Variants in CAMK4 observed in about 807,000 individuals in gnomAD.
The protein encoded by CAMK4 is calcium/calmodulin-dependent protein kinase type IV.
Under a neutral mutation model 44.9 loss-of-function variants are expected in CAMK4, and 22 were observed. The observed-to-expected ratio is 0.49, with a 90% CI of 0.35 to 0.70. CAMK4 has a LOEUF of 0.70. Among genes scored for constraint, CAMK4 ranks in the 30% least tolerant of loss-of-function variants. The pLI is 0.01. For missense variants in CAMK4, 498 were observed against 586.8 expected, an observed-to-expected ratio of 0.85 and a Z score of 1.56; for synonymous variants, 218 against 215.4, an observed-to-expected ratio of 1.01 and a Z score of -0.11.
At chr5:111,256,765 CTTA>C (rs1749762344) in intron 1 of CAMK4, among the ~76,000 whole-genome samples, 1 of 152,028 alleles carries the variant, frequency 6.6e-6, no homozygotes, top group Non-Finnish European at 1.5e-5. Flanking sequence ...TTGGCAGCAG[CTTA>C]TTATTTTTGA....
At chr5:111,471,442 T>A (rs1015545917) in intron 7 of CAMK4, among the ~76,000 whole-genome samples, 2 of 152,206 alleles carry the variant, frequency 1.3e-5, no homozygotes, top group African/African-American at 4.8e-5. Context: ...TACTGTTAAT[T>A]TCTTTAGAAC....
At chr5:111,435,297 T>G (rs1753605223) in intron 5 of CAMK4, among the ~76,000 whole-genome samples, 1 of 152,294 alleles carries the variant, frequency 6.6e-6, no homozygotes, top group African/African-American at 2.4e-5. Context: ...CTCTTTGTCA[T>G]GTTTGACATA....
At chr5:111,348,949 T>A (rs564873796) in intron 2 of CAMK4, among the ~76,000 whole-genome samples, 1 of 152,176 alleles carries the variant, frequency 6.6e-6, no homozygotes, top group East Asian at 1.9e-4. Flanking sequence ...AAATGATAAC[T>A]GAACCACTTT....
At chr5:111,436,237 A>G (rs1380014351) in intron 5 of CAMK4, among the ~76,000 whole-genome samples, 1 of 152,230 alleles carries the variant, frequency 6.6e-6, no homozygotes, top group African/African-American at 2.4e-5. Context: ...TCTTAGAAAT[A>G]CGTACTTAAT....
At chr5:111,282,179 T>C (rs573966730) in intron 1 of CAMK4, among the ~76,000 whole-genome samples, 2 of 152,352 alleles carry the variant, frequency 1.3e-5, no homozygotes, top group East Asian at 3.9e-4. Context: ...TATGGGGCTG[T>C]TTGGCTAATA....
chr5:111,427,715 G>A (rs1202346007), intron 5 of CAMK4, among the ~76,000 whole-genome samples: 1 of 152,148 alleles, frequency 6.6e-6, no homozygotes, highest in African/African-American at 2.4e-5. Context: ...CAGCTCAGCT[G>A]CAATACAACA....
chr5:111,382,850 T>G (rs1751469428), intron 4 of CAMK4, among the ~76,000 whole-genome samples: 1 of 152,216 alleles, frequency 6.6e-6, no homozygotes, highest in Admixed American at 6.5e-5. Context: ...AACTTGAGAT[T>G]AGTAATCTAA....
Position 111,224,711 on chromosome 5 carries a change from G to A in CAMK4, c.161+67G>A, listed in dbSNP as rs1748091780. 1.3e-6 allele frequency: 2 copies of A among 1,482,366 alleles called. No homozygotes were observed. The highest frequency in any genetic ancestry group is 1.2e-5 in the South Asian group (1 of 80,760). 91.8% of individuals were successfully genotyped at this position (1,482,366 alleles called of 1,614,324 possible). ...TGGGGGTTGTCCCTCTCGCAGCGAC[G>A]GCTCGGAGGGTGCGGGAGCCTGCCT... On this transcript the variant is annotated intron_variant, in intron 1 of 10. Coordinates refer to ENST00000282356, the MANE Select transcript of CAMK4 (RefSeq NM_001744.6). This position sits in a 1 kb window ranked among gnomAD's most constrained non-coding sequence, Gnocchi z 5.7.
chr5:111,249,453 TTAAA>T (rs1188920663), intron 1 of CAMK4, among the ~76,000 whole-genome samples: 1 of 150,840 alleles, frequency 6.6e-6, no homozygotes, highest in Non-Finnish European at 1.5e-5. Flanking sequence ...TATATGTATT[TTAAA>T]TAAATATACA....
At chr5:111,293,684 C>G (rs998135356) in intron 1 of CAMK4, among the ~76,000 whole-genome samples, 1 of 150,064 alleles carries the variant, frequency 6.7e-6, no homozygotes, top group Non-Finnish European at 1.5e-5. Flanking sequence ...CTCAGCCTCC[C>G]AAAGTGCTGT....
At chr5:111,275,331 C>CT (rs372783445) in intron 1 of CAMK4, among the ~76,000 whole-genome samples, 2,202 of 151,054 alleles carry the variant, frequency 0.015, 50 homozygotes, top group African/African-American at 0.05. Context: ...ATTTCTTCTT[C>CT]TTTTTTTTTG....
intron 5 of CAMK4, among the ~76,000 whole-genome samples, chr5:111,431,955 A>T (rs1753459693): frequency 6.6e-6 from 1 of 152,088 alleles, no homozygotes; most frequent in Non-Finnish European, 1.5e-5. Flanking sequence ...AGGTTCCTCA[A>T]AAAACTAAAA....
At chr5:111,479,108 C>T (rs150852287) in intron 9 of CAMK4, among the ~76,000 whole-genome samples, 6 of 152,076 alleles carry the variant, frequency 3.9e-5, no homozygotes, top group South Asian at 2.1e-4. Context: ...CAAACTCCTG[C>T]CCTCAGGCGA....
chr5:111,418,526 T>G (rs1393385520), intron 5 of CAMK4, among the ~76,000 whole-genome samples: 2 of 152,106 alleles, frequency 1.3e-5, no homozygotes, highest in Non-Finnish European at 1.5e-5. Context: ...TGTGCCATAT[T>G]GGTGTGCTGA....
rs912038995 is a variant in CAMK4, at chr5:111,490,249, G to A, written c.*5783G>A. 6.6e-6 allele frequency: 1 copy of A among 152,142 alleles called. No individual in the cohort carries two copies. Among genetic ancestry groups the A allele is most frequent in the Non-Finnish European group, 1.5e-5 (1 of 68,034 alleles). The allele number at this position is 152,142 out of a possible 1,614,324, so 9.4% of individuals were successfully genotyped here. On this transcript the variant is annotated 3_prime_UTR_variant, in exon 11 of 11. Transcript: ENST00000282356. Reference sequence around the variant, plus strand: ...TTTGACAGTTTGTGAATGATAAAAAGTTACTAGGTTTGTCCTTTCCTTGAT... The same window carrying A: ...TTTGACAGTTTGTGAATGATAAAAAATTACTAGGTTTGTCCTTTCCTTGAT...
At position 111,297,318 on chromosome 5, in the gene CAMK4, T is replaced by C. The variant is rs187658000; in HGVS notation, c.162-46706T>C. Among the ~76,000 whole-genome samples the C allele has an allele frequency of 3.9e-5, 6 of 152,288 alleles. No individual in the cohort carries two copies. In the East Asian group the frequency reaches 1.2e-3, roughly 29 times the overall value. On this transcript the variant is annotated intron_variant, in intron 1 of 10. Coordinates refer to ENST00000282356, the MANE Select transcript of CAMK4 (RefSeq NM_001744.6). The stretch of plus-strand genomic sequence containing the variant: ...ACTTTCAGTATGACTTAATAACTCA[T>C]TTATAAGTTCTCAAGTCTTTCCTGG...
At chr5:111,249,158 A>T (rs527618336) in intron 1 of CAMK4, among the ~76,000 whole-genome samples, 107 of 152,320 alleles carry the variant, frequency 7.0e-4, no homozygotes, top group African/African-American at 2.5e-3. Context: ...AGCATGAAAA[A>T]GTGGGCATAT....
chr5:111,408,956 G>A (rs577227561), intron 5 of CAMK4, among the ~76,000 whole-genome samples: 2 of 152,326 alleles, frequency 1.3e-5, no homozygotes, highest in East Asian at 1.9e-4. Flanking sequence ...GGCATGGGAA[G>A]CTCTGCCTCT....
At chr5:111,331,623 G>T (rs1749171229) in intron 1 of CAMK4, among the ~76,000 whole-genome samples, 1 of 151,724 alleles carries the variant, frequency 6.6e-6, no homozygotes, top group Middle Eastern at 3.4e-3. Context: ...CCATCTTGAA[G>T]ACCCACTTAA....
Sources: gnomAD v4.1 joint callset for allele counts (sites outside exome capture counted in the v4.1 genomes callset) on GRCh38, gnomAD v4.1.1 for gene constraint, Gnocchi (gnomAD v3.1) non-coding constraint, MANE v1.5 for transcripts, NCBI Gene and HGNC (gene_info 2026-07-23, HGNC 2026-07-21) for gene names.